Variants in RBMS3 observed in about 807,000 individuals in gnomAD.
The protein encoded by RBMS3 is RNA-binding motif, single-stranded-interacting protein 3.
RBMS3 carries 27 observed loss-of-function variants against 66.8 expected under a neutral mutation model. That is an observed-to-expected ratio of 0.40 (90% confidence interval 0.30 to 0.56). RBMS3 has a LOEUF of 0.56. RBMS3 is among the 20% of genes least tolerant of loss of function. RBMS3 has a pLI of 0.40. For missense variants in RBMS3, 513 were observed against 549.5 expected (o/e 0.93, Z 0.66); for synonymous variants, 188 against 183.0 (o/e 1.03, Z -0.22).
At chr3:29,528,057 A>T (rs1406552973) in intron 3 of RBMS3, among the ~76,000 whole-genome samples, 1 of 151,734 alleles carries the variant, frequency 6.6e-6, no homozygotes, top group African/African-American at 2.4e-5. Flanking sequence ...AAATCAGGTT[A>T]AGTGATCAAG....
chr3:29,552,700 T>C (rs984110422), intron 3 of RBMS3, among the ~76,000 whole-genome samples: 27 of 152,136 alleles, frequency 1.8e-4, no homozygotes, highest in African/African-American at 6.0e-4. Flanking sequence ...ATCACAATGC[T>C]CAACACCTCA....
At chr3:29,609,410 A>T (rs1365863082) in intron 4 of RBMS3, among the ~76,000 whole-genome samples, 1 of 151,876 alleles carries the variant, frequency 6.6e-6, no homozygotes, top group African/African-American at 2.4e-5. Flanking sequence ...TTTTAACTGG[A>T]TTGTACAGTG....
chr3:29,486,440 TAG>T (rs1204897504), intron 2 of RBMS3, among the ~76,000 whole-genome samples: 1 of 152,172 alleles, frequency 6.6e-6, no homozygotes, highest in Non-Finnish European at 1.5e-5. Context: ...AAGTCTGGCC[TAG>T]AGAGTGTTTA....
At chr3:29,485,809 A>G (rs993001306) in intron 2 of RBMS3, among the ~76,000 whole-genome samples, 4 of 152,148 alleles carry the variant, frequency 2.6e-5, no homozygotes, top group African/African-American at 9.7e-5. Context: ...TTATTCAGCA[A>G]TTTGGTCACA....
At chr3:29,950,425 G>C (rs1695605685) in intron 12 of RBMS3, among the ~76,000 whole-genome samples, 2 of 151,842 alleles carry the variant, frequency 1.3e-5, no homozygotes, top group African/African-American at 4.8e-5. Flanking sequence ...TTTAAAGTAA[G>C]CTAATTGCGT....
intron 1 of RBMS3, among the ~76,000 whole-genome samples, chr3:29,413,145 C>A (rs541639305): frequency 6.6e-6 from 1 of 152,104 alleles, no homozygotes; most frequent in Non-Finnish European, 1.5e-5. Flanking sequence ...CCAAGGCAGG[C>A]AGATCACTAG....
intron 1 of RBMS3, among the ~76,000 whole-genome samples, chr3:29,283,187 CAAT>C (rs553633527): frequency 5.1e-4 from 77 of 152,204 alleles, no homozygotes; most frequent in African/African-American, 1.8e-3. Flanking sequence ...AAAACAAAAA[CAAT>C]AAACTCAAAG....
chr3:29,995,185 GA>G (rs1464601158), intron 14 of RBMS3, among the ~76,000 whole-genome samples: 6 of 152,088 alleles, frequency 3.9e-5, no homozygotes, highest in Non-Finnish European at 4.4e-5. Context: ...AATGGAAGAT[GA>G]AATGAAGCGA....
intron 3 of RBMS3, among the ~76,000 whole-genome samples, chr3:29,514,663 A>C (rs1373028232): frequency 7.0e-6 from 1 of 143,432 alleles, no homozygotes; most frequent in Admixed American, 7.0e-5. Flanking sequence ...ATATATATAT[A>C]TATATATATA....
intron 3 of RBMS3, among the ~76,000 whole-genome samples, chr3:29,525,041 A>C (rs776573207): frequency 6.6e-6 from 1 of 152,116 alleles, no homozygotes; most frequent in Non-Finnish European, 1.5e-5. Context: ...GCTGCGGAGT[A>C]AGACGTTGTC....
intron 4 of RBMS3, among the ~76,000 whole-genome samples, chr3:29,627,478 C>T (rs1405327914): frequency 1.3e-5 from 2 of 152,036 alleles, no homozygotes; most frequent in South Asian, 4.1e-4. Flanking sequence ...GCATTTTCCC[C>T]ACCCCAGTCA....
rs77452995 is a variant in RBMS3 at position 29,647,326 on chromosome 3, G to T, written c.399+60121G>T. Among the ~76,000 whole-genome samples, 1,378 of 152,200 alleles carry T rather than the reference G, an allele frequency of 9.1e-3. 3 individuals carry two copies. Among genetic ancestry groups the T allele is most frequent in the Non-Finnish European group, 0.015 (992 of 68,010 alleles). The stretch of plus-strand genomic sequence containing the variant: ...TGAAATCTGAATGCCCAGGGAGATT[G>T]GTGGCCCTTGCCAGGAAGTGTCTTA... On this transcript the variant is annotated intron_variant, in intron 4 of 14. Coordinates refer to ENST00000383767, the MANE Select transcript of RBMS3 (RefSeq NM_001003793.3).
intron 4 of RBMS3, among the ~76,000 whole-genome samples, chr3:29,696,749 C>T (rs2052297004): frequency 6.6e-6 from 1 of 152,070 alleles, no homozygotes; most frequent in Non-Finnish European, 1.5e-5. Context: ...TGATAGATGG[C>T]GATCGGGACA....
intron 8 of RBMS3, among the ~76,000 whole-genome samples, chr3:29,889,859 G>A (rs1042052560): frequency 4.0e-5 from 6 of 151,532 alleles, no homozygotes; most frequent in Admixed American, 4.0e-4. Flanking sequence ...TGACATCAGG[G>A]AAACCATCCT....
At chr3:30,002,035 T>C (rs1699637783) in intron 14 of RBMS3, among the ~76,000 whole-genome samples, 1 of 152,000 alleles carries the variant, frequency 6.6e-6, no homozygotes, top group Non-Finnish European at 1.5e-5. Context: ...CCAGCAAATA[T>C]GAAGTTGTAA....
intron 4 of RBMS3, among the ~76,000 whole-genome samples, chr3:29,648,811 C>T (rs2050040229): frequency 6.6e-6 from 1 of 152,062 alleles, no homozygotes; most frequent in African/African-American, 2.4e-5. Flanking sequence ...AAAAAGTCTC[C>T]AAGAAACCAA....
At chr3:29,506,027 A>G (rs2044170221) in intron 3 of RBMS3, among the ~76,000 whole-genome samples, 1 of 151,912 alleles carries the variant, frequency 6.6e-6, no homozygotes, top group Non-Finnish European at 1.5e-5. Flanking sequence ...ACAAACAAGG[A>G]TAATTTAACT....
chr3:29,525,643 C>A (rs1454754840), intron 3 of RBMS3, among the ~76,000 whole-genome samples: 1 of 152,132 alleles, frequency 6.6e-6, no homozygotes, highest in African/African-American at 2.4e-5. Context: ...AATTCCACTC[C>A]CACTATGGCT....
At chr3:29,859,884 GCA>G (rs149338596) in intron 6 of RBMS3, among the ~76,000 whole-genome samples, 7 of 150,936 alleles carry the variant, frequency 4.6e-5, no homozygotes, top group South Asian at 2.1e-4. Flanking sequence ...ATGCATGGGG[GCA>G]CACACACACA....
Sources: allele counts gnomAD v4.1 joint callset (sites outside exome capture counted in the v4.1 genomes callset), GRCh38; gene constraint gnomAD v4.1.1; transcripts MANE v1.5; gene names NCBI Gene and HGNC (gene_info 2026-07-23, HGNC 2026-07-21).